The following TMEM40 variants were observed in gnomAD, a reference collection of about 807,000 sequenced individuals.
TMEM40 encodes transmembrane protein 40.
TMEM40 carries 34 observed loss-of-function variants against 40.8 expected under a neutral mutation model. The ratio of observed to expected loss-of-function variants is 0.83; its 90% CI spans 0.63 to 1.11. TMEM40 has a LOEUF of 1.11. TMEM40 is among the 50% of genes least tolerant of loss of function. TMEM40 has a pLI of 0.00. For synonymous variants in TMEM40, 106 were observed against 107.0 expected, an observed-to-expected ratio of 0.99 and a Z score of 0.06; for missense variants, 296 against 280.2, an observed-to-expected ratio of 1.06 and a Z score of -0.40.
At chr3:12,749,034 T>C (rs141033557) in intron 2 of TMEM40, among the ~76,000 whole-genome samples, 301 of 139,708 alleles carry the variant, frequency 2.2e-3, no homozygotes, top group African/African-American at 6.6e-3. Flanking sequence ...GTTTCTTTCT[T>C]TTTTTTTTGA....
At chr3:12,757,450 C>T (rs537647741) in intron 1 of TMEM40, among the ~76,000 whole-genome samples, 212 of 133,732 alleles carry the variant, frequency 1.6e-3, no homozygotes, top group South Asian at 0.011. Context: ...GCCTGGGCAA[C>T]AAGACTGAAA....
intron 4 of TMEM40, among the ~76,000 whole-genome samples, chr3:12,743,538 A>C (rs2061399559): frequency 1.3e-5 from 2 of 152,224 alleles, no homozygotes; most frequent in Admixed American, 1.3e-4. Context: ...AGGACAGTTC[A>C]AAAAAGGGAA....
intron 3 of TMEM40, among the ~76,000 whole-genome samples, chr3:12,746,583 C>T (rs76968767): frequency 0.017 from 2,592 of 152,230 alleles, 68 homozygotes; most frequent in African/African-American, 0.056. Context: ...GGTGAGGCAC[C>T]CAGGCTCGGG....
chr3:12,737,628 G>C, intron 8 of TMEM40, 79 bp downstream of exon 8: 3 of 1,374,016 alleles, frequency 2.2e-6, no homozygotes, highest in Non-Finnish European at 3.1e-6. Flanking sequence ...TTACTGCTGT[G>C]CTAGGCCACC....
intron 1 of TMEM40, among the ~76,000 whole-genome samples, chr3:12,754,096 A>G (rs2061499724): frequency 6.6e-6 from 1 of 152,194 alleles, no homozygotes; most frequent in Non-Finnish European, 1.5e-5. Flanking sequence ...TCATCACATC[A>G]GGTCAGGAGA....
chr3:12,735,383 C>T (rs1051255637), intron 11 of TMEM40, among the ~76,000 whole-genome samples, 172 bp downstream of exon 11: 8 of 151,892 alleles, frequency 5.3e-5, no homozygotes, highest in Admixed American at 2.0e-4. Context: ...TTGAGGAAAC[C>T]GAGGCTACAC....
chr3:12,738,613 C>A, intron 5 of TMEM40, 25 bp from the exon 6 acceptor site: 1 of 1,611,670 alleles, frequency 6.2e-7, no homozygotes, highest in South Asian at 1.1e-5. Flanking sequence ...AATCAGTGAT[C>A]ATATACCCAT....
At chr3:12,763,790 G>T (rs746858322), upstream of TMEM40, among the ~76,000 whole-genome samples, 33 of 152,194 alleles carry the variant, frequency 2.2e-4, no homozygotes, top group Non-Finnish European at 4.3e-4. Flanking sequence ...GGATCCTTCA[G>T]GCTGATTGGA....
upstream of TMEM40, among the ~76,000 whole-genome samples, chr3:12,763,587 G>A (rs568115280): frequency 7.7e-4 from 118 of 152,296 alleles, no homozygotes; most frequent in African/African-American, 2.5e-3. Flanking sequence ...AACTGCAAGC[G>A]GGGGCCTGCC....
chr3:12,745,981 T>A (rs1310728362), intron 3 of TMEM40, among the ~76,000 whole-genome samples: 2 of 151,962 alleles, frequency 1.3e-5, no homozygotes, highest in South Asian at 4.2e-4. Flanking sequence ...CACTGCTACC[T>A]CTGCCTCCCC....
chr3:12,769,254 C>T (rs562124693), exon 1 of TMEM40: 31 of 419,030 alleles, frequency 7.4e-5, no homozygotes, highest in African/African-American at 4.8e-4. Context: ...TCCATACCTC[C>T]CGGAAGGCTG....
chr3:12,736,186 T>C (rs2061336048), intron 10 of TMEM40, among the ~76,000 whole-genome samples: 1 of 151,292 alleles, frequency 6.6e-6, no homozygotes, highest in African/African-American at 2.4e-5. Context: ...TCTCGCTCTG[T>C]TGCCCAGGCT....
intron 3 of TMEM40, among the ~76,000 whole-genome samples, chr3:12,747,261 G>T (rs1418395553): frequency 6.6e-6 from 1 of 151,128 alleles, no homozygotes; most frequent in African/African-American, 2.4e-5. Flanking sequence ...CCATAAAAGA[G>T]ATCATAGTGC....
chr3:12,738,726 G>A, intron 5 of TMEM40, 138 bp from the exon 6 acceptor site: 3 of 859,956 alleles, frequency 3.5e-6, no homozygotes, highest in Non-Finnish European at 5.6e-6. Context: ...GAGCCGGCTG[G>A]AGGGTTCCTG....
intron 5 of TMEM40, 162 bp from the exon 6 acceptor site, chr3:12,738,750 G>C: frequency 1.5e-6 from 1 of 655,260 alleles, no homozygotes; most frequent in South Asian, 1.8e-5. Flanking sequence ...CAACTAAAGG[G>C]GCAGCCACCA....
chr3:12,767,524 A>T (rs930218916), intron 1 of TMEM40, among the ~76,000 whole-genome samples: 4 of 152,058 alleles, frequency 2.6e-5, no homozygotes, highest in African/African-American at 9.7e-5. Context: ...CAGATTAGAG[A>T]ATTGGGGTGA....
upstream of TMEM40, among the ~76,000 whole-genome samples, chr3:12,761,787 T>G (rs778756662): frequency 9.2e-5 from 14 of 152,040 alleles, no homozygotes; most frequent in Admixed American, 2.0e-4. Context: ...ACCAGCCACA[T>G]GCGGTTATGG....
intron 5 of TMEM40, among the ~76,000 whole-genome samples, chr3:12,740,723 T>C (rs1559525919): frequency 6.6e-6 from 1 of 151,922 alleles, no homozygotes; most frequent in Non-Finnish European, 1.5e-5. Flanking sequence ...CTGGGCATGG[T>C]GTCGCATACA....
Position 12,748,682 on chromosome 3 carries a change from A to T in TMEM40, c.184T>A (p.Ser62Thr). Residue 62 changes from serine (S) to threonine (T), a missense_variant, in exon 3 of 12, where the codon TCA becomes ACA. Physicochemically the swap from Ser to Thr is moderately conservative, Grantham distance 58. Transcript: ENST00000314124. Reference sequence around the variant, plus strand: ...GAGGAGGAGGAGGATGAAGAAGATGAGGAGGATGAGGAGGAAGAGGAGGAG... The same window carrying T: ...GAGGAGGAGGAGGATGAAGAAGATGTGGAGGATGAGGAGGAAGAGGAGGAG... ...SSSSSSSSSS[S>T]SSSSSSSSES... The T allele has an allele frequency of 6.2e-7, 1 of 1,613,156 alleles. No individual in the cohort carries two copies. Among genetic ancestry groups the T allele is most frequent in the Non-Finnish European group, 8.5e-7 (1 of 1,179,316 alleles).
Sources: allele counts gnomAD v4.1 joint callset (sites outside exome capture counted in the v4.1 genomes callset), GRCh38; gene constraint gnomAD v4.1.1; transcripts MANE v1.5; gene names NCBI Gene and HGNC (gene_info 2026-07-23, HGNC 2026-07-21).